Variants in JAKMIP1 observed in about 807,000 individuals in gnomAD.
JAKMIP1 encodes janus kinase and microtubule interacting protein 1, also known as janus kinase and microtubule-interacting protein 1.
Under a neutral mutation model 113.0 loss-of-function variants are expected in JAKMIP1, and 33 were observed. The ratio of observed to expected loss-of-function variants is 0.29; its 90% CI spans 0.22 to 0.39. The LOEUF is 0.39. Ranked by LOEUF, JAKMIP1 falls within the 10% of genes least tolerant of loss-of-function variation. JAKMIP1 has a pLI of 1.00. For missense variants in JAKMIP1, 813 were observed against 1,080.5 expected, an observed-to-expected ratio of 0.75 and a Z score of 3.47; for synonymous variants, 480 against 459.9, an observed-to-expected ratio of 1.04 and a Z score of -0.56.
Position 6,035,895 on chromosome 4 carries a change from G to A in JAKMIP1, c.2379+9C>T, listed in dbSNP as rs886072779. The A allele has an allele frequency of 1.3e-6, 2 of 1,545,598 alleles. No homozygotes were observed. ...GGGTGCTGTGGGCACAGCCGCTGTTGCCGCCTACCTGCTGGGCCTGCTGCA... is the reference window on the plus strand; with the variant it reads ...GGGTGCTGTGGGCACAGCCGCTGTTACCGCCTACCTGCTGGGCCTGCTGCA... On this transcript the variant is annotated intron_variant, in intron 19 of 20. Transcript: ENST00000409021.
chr4:6,053,167 CA>C (rs1386269689), intron 13 of JAKMIP1, among the ~76,000 whole-genome samples: 1 of 151,520 alleles, frequency 6.6e-6, no homozygotes, highest in African/African-American at 2.4e-5. Context: ...TCAACAGAAA[CA>C]AAAAAAAGGA....
At position 6,179,303 on chromosome 4, in the gene JAKMIP1, T is replaced by C. The variant is rs1725751656; in HGVS notation, c.-148+20950A>G. Among the ~76,000 whole-genome samples, 1 of 152,212 alleles carries C rather than the reference T, an allele frequency of 6.6e-6. No individual in the cohort carries two copies. The highest frequency in any genetic ancestry group is 1.5e-5 in the Non-Finnish European group (1 of 68,032). On this transcript the variant is annotated intron_variant, in intron 1 of 20. Transcript: ENST00000409021. The surrounding 1 kb of genome is among the most constrained non-coding windows in gnomAD (Gnocchi z 4.5). Reference sequence around the variant, plus strand: ...ACCTCGTGGGGTCTTGGTTTCCTCCTACCATCTTGCATGGTGGTTGAGAGG... The same window carrying C: ...ACCTCGTGGGGTCTTGGTTTCCTCCCACCATCTTGCATGGTGGTTGAGAGG...
chr4:6,171,177 C>T (rs1444549967), intron 1 of JAKMIP1, among the ~76,000 whole-genome samples: 1 of 150,358 alleles, frequency 6.7e-6, no homozygotes, highest in Non-Finnish European at 1.5e-5. Context: ...ATCACCATTA[C>T]CACCACCATC....
chr4:6,110,745 G>A (rs1177911584), intron 2 of JAKMIP1, among the ~76,000 whole-genome samples: 3 of 149,870 alleles, frequency 2.0e-5, no homozygotes, highest in African/African-American at 7.4e-5. Flanking sequence ...CTGAGGCAGG[G>A]GGTTACACAG....
intron 5 of JAKMIP1, among the ~76,000 whole-genome samples, chr4:6,084,539 T>A (rs10804974): frequency 0.31 from 47,448 of 151,842 alleles, 7,830 homozygotes; most frequent in South Asian, 0.4. Context: ...GGTTTTTTGG[T>A]TTTTTAATTG....
chr4:6,171,859 C>T (rs1212011575), intron 1 of JAKMIP1, among the ~76,000 whole-genome samples: 1 of 152,200 alleles, frequency 6.6e-6, no homozygotes, highest in African/African-American at 2.4e-5. Context: ...CCAGTTTATG[C>T]CTCCATTAAG....
chr4:6,142,123 T>C lies in JAKMIP1; in HGVS notation c.-147-29126A>G, dbSNP rs745587665. 5.9e-5 allele frequency among the ~76,000 whole-genome samples: 9 copies of C among 151,374 alleles called. No homozygotes were observed. Among genetic ancestry groups the C allele is most frequent in the Non-Finnish European group, 1.2e-4 (8 of 67,812 alleles). ...AGCTTGTCTTTTCCTCTTCATATCA[T>C]GAAATAAGAATTTTCCAAGACGCTC... On this transcript the variant is annotated intron_variant, in intron 1 of 20. Transcript: ENST00000409021. The surrounding 1 kb of genome is among the most constrained non-coding windows in gnomAD (Gnocchi z 5.5).
At chr4:6,115,364 C>T (rs35725071) in intron 1 of JAKMIP1, among the ~76,000 whole-genome samples, 63,673 of 152,154 alleles carry the variant, frequency 0.42, 14,381 homozygotes, top group East Asian at 0.59. Flanking sequence ...GAGCCGAGAT[C>T]GTGCCATTGC....
In JAKMIP1 at chr4:6,153,401, T is replaced by C. The variant is rs1230543357; in HGVS notation, c.-147-40404A>G. On this transcript the variant is annotated intron_variant, in intron 1 of 20. Transcript: ENST00000409021. The surrounding 1 kb of genome is among the most constrained non-coding windows in gnomAD (Gnocchi z 4.9). ...GCCCCTTCTTCTCTCCACAGCCTTG[T>C]GACCCTGGCCCTCTCTAGGCTTCAA... 6.6e-6 allele frequency among the ~76,000 whole-genome samples: 1 copy of C among 152,244 alleles called. No individual in the cohort carries two copies. Among genetic ancestry groups the C allele is most frequent in the Non-Finnish European group, 1.5e-5 (1 of 68,042 alleles).
In JAKMIP1 at chr4:6,155,268, G is replaced by A. The variant is rs999233382; in HGVS notation, c.-147-42271C>T. On this transcript the variant is annotated intron_variant, in intron 1 of 20. Coordinates refer to ENST00000409021, the MANE Select transcript of JAKMIP1 (RefSeq NM_001099433.2). The surrounding 1 kb of genome is among the most constrained non-coding windows in gnomAD (Gnocchi z 6.1). Reference sequence around the variant, plus strand: ...GAGGAAACAACATTCCCTCCTCTGCGCTCAACGCCTTTTAATACCAGCAAC... The same window carrying A: ...GAGGAAACAACATTCCCTCCTCTGCACTCAACGCCTTTTAATACCAGCAAC... Among the ~76,000 whole-genome samples the A allele has an allele frequency of 7.9e-5, 12 of 152,060 alleles. No homozygotes were observed. The highest frequency in any genetic ancestry group is 2.7e-4 in the African/African-American group (11 of 41,386).
rs1427667720 is a variant in JAKMIP1 at position 6,046,927 on chromosome 4, G to A, written c.2028+1930C>T. On this transcript the variant is annotated intron_variant, in intron 16 of 20. Coordinates refer to ENST00000409021, the MANE Select transcript of JAKMIP1 (RefSeq NM_001099433.2). ...ACACCCCCTGCCCCAGCCCCAGGAC[G>A]AACCAGCCACCCTGAGTCACCAGCA... is the stretch of plus-strand genomic sequence containing the variant. 2.6e-5 allele frequency among the ~76,000 whole-genome samples: 4 copies of A among 152,190 alleles called. No homozygotes were observed. In the East Asian group the frequency reaches 5.8e-4, roughly 22 times the overall value.
intron 3 of JAKMIP1, among the ~76,000 whole-genome samples, chr4:6,102,470 C>CCATGTGA (rs1171592993): frequency 1.3e-5 from 2 of 151,524 alleles, no homozygotes; most frequent in Non-Finnish European, 2.9e-5. Flanking sequence ...ACTCCTTCTG[C>CCATGTGA]CATGTGAGGA....
At chr4:6,132,677 A>C (rs1398131175) in intron 1 of JAKMIP1, among the ~76,000 whole-genome samples, 2 of 151,958 alleles carry the variant, frequency 1.3e-5, no homozygotes, top group Non-Finnish European at 2.9e-5. Context: ...GCAGAAAAGG[A>C]GTAGAAGACA....
chr4:6,109,978 C>T (rs772493461), intron 2 of JAKMIP1, among the ~76,000 whole-genome samples: 4 of 152,148 alleles, frequency 2.6e-5, no homozygotes, highest in Admixed American at 6.5e-5. Flanking sequence ...CAGCGTGCAT[C>T]CAAGTGGAAA....
rs952736129 is a variant in JAKMIP1, at chr4:6,086,369, T to C, written c.625-740A>G. 2.6e-5 allele frequency among the ~76,000 whole-genome samples: 4 copies of C among 151,820 alleles called. No homozygotes were observed. Among genetic ancestry groups the C allele is most frequent in the African/African-American group, 9.7e-5 (4 of 41,318 alleles). ...AGATCTTAAACACATGCCTCAGCCC[T>C]GGCTTCTCTCTGAGCTCCACAATCA... On this transcript the variant is annotated intron_variant, in intron 3 of 20. Coordinates refer to ENST00000409021, the MANE Select transcript of JAKMIP1 (RefSeq NM_001099433.2). The surrounding 1 kb of genome is among the most constrained non-coding windows in gnomAD (Gnocchi z 4.1).
chr4:6,128,286 C>A (rs1718022441), intron 1 of JAKMIP1, among the ~76,000 whole-genome samples: 1 of 152,220 alleles, frequency 6.6e-6, no homozygotes, highest in Non-Finnish European at 1.5e-5. Context: ...TGCATCCAGG[C>A]TCCTGGACTA....
At chr4:6,043,982 A>G (rs929480432) in intron 16 of JAKMIP1, among the ~76,000 whole-genome samples, 5 of 151,970 alleles carry the variant, frequency 3.3e-5, no homozygotes, top group Non-Finnish European at 7.4e-5. Context: ...GAACATGCCC[A>G]GCCTTTCCAT....
At chr4:6,092,917 T>G (rs1722284816) in intron 3 of JAKMIP1, among the ~76,000 whole-genome samples, 1 of 152,212 alleles carries the variant, frequency 6.6e-6, no homozygotes. Context: ...TTCACACTTT[T>G]AGAACTCCTA....
In JAKMIP1 at chr4:6,059,960, G is replaced by A. The variant is rs1431413470; in HGVS notation, c.1644+464C>T. On this transcript the variant is annotated intron_variant, in intron 11 of 20. Coordinates refer to ENST00000409021, the MANE Select transcript of JAKMIP1 (RefSeq NM_001099433.2). The surrounding 1 kb of genome is among the most constrained non-coding windows in gnomAD (Gnocchi z 4.8). ...CCTAATCAAATGCAGTGGATGGGTA[G>A]GTGCAGTTGACTCTAACCTGAGCAG... is the stretch of plus-strand genomic sequence containing the variant. 6.6e-6 allele frequency among the ~76,000 whole-genome samples: 1 copy of A among 152,158 alleles called. No homozygotes were observed. The highest frequency in any genetic ancestry group is 1.5e-5 in the Non-Finnish European group (1 of 68,028).
Sources: allele counts gnomAD v4.1 joint callset (sites outside exome capture counted in the v4.1 genomes callset), GRCh38; gene constraint gnomAD v4.1.1; non-coding constraint Gnocchi (gnomAD v3.1); transcripts MANE v1.5; gene names NCBI Gene and HGNC (gene_info 2026-07-23, HGNC 2026-07-21).